DSTYK: variants seen among roughly 807,000 people sequenced by gnomAD.
The protein encoded by DSTYK is dual serine/threonine and tyrosine protein kinase.
In DSTYK, 34 loss-of-function variants were observed where a neutral mutation model predicts 98.7. The observed-to-expected ratio is 0.34, with a 90% CI of 0.26 to 0.46. The LOEUF (loss-of-function observed/expected upper bound fraction) is 0.46. DSTYK is among the 20% of genes least tolerant of loss of function. The probability of loss-of-function intolerance (pLI) is 1.00; values close to 1 mark genes in which losing one functional copy is unlikely to be tolerated. For missense variants in DSTYK, 962 were observed against 1,181.7 expected (o/e 0.81, Z 2.73); for synonymous variants, 462 against 457.3 (o/e 1.01, Z -0.13).
intron 1 of DSTYK, among the ~76,000 whole-genome samples, chr1:205,204,273 C>A (rs1196615348): frequency 6.6e-6 from 1 of 152,118 alleles, no homozygotes; most frequent in South Asian, 2.1e-4. Context: ...ATTTTGTATT[C>A]CCATGGTCAG....
At chr1:205,154,798 T>C (rs1657509206) in intron 10 of DSTYK, among the ~76,000 whole-genome samples, 1 of 152,166 alleles carries the variant, frequency 6.6e-6, no homozygotes, top group Non-Finnish European at 1.5e-5. Context: ...GATAGTGATA[T>C]GGACAATGAT....
chr1:205,167,999 G>C (rs372120099), intron 3 of DSTYK, among the ~76,000 whole-genome samples: 1 of 152,096 alleles, frequency 6.6e-6, no homozygotes, highest in Non-Finnish European at 1.5e-5. Flanking sequence ...CCAGTTACTC[G>C]GGAGGCTGAG....
At chr1:205,171,454 TAAA>T (rs10536424) in intron 2 of DSTYK, among the ~76,000 whole-genome samples, 53 of 115,158 alleles carry the variant, frequency 4.6e-4, no homozygotes, top group East Asian at 1.7e-3. Context: ...CTGTCTCAAT[TAAA>T]AAAAAAAAAA....
chr1:205,191,574 C>G (rs1033780830), intron 1 of DSTYK, among the ~76,000 whole-genome samples: 2 of 152,258 alleles, frequency 1.3e-5, no homozygotes, highest in Admixed American at 6.5e-5. Context: ...TGCTGAAAGA[C>G]CAATGATGTG....
chr1:205,203,010 G>A (rs1659087025), intron 1 of DSTYK, among the ~76,000 whole-genome samples: 1 of 152,036 alleles, frequency 6.6e-6, no homozygotes, highest in Non-Finnish European at 1.5e-5. Flanking sequence ...AAGAAAAGGA[G>A]AAAGTAGACA....
intron 1 of DSTYK, among the ~76,000 whole-genome samples, chr1:205,201,970 G>T (rs942263979): frequency 2.0e-5 from 3 of 152,118 alleles, no homozygotes; most frequent in Non-Finnish European, 4.4e-5. Flanking sequence ...TGAGGCAGGA[G>T]AATTGCTTGA....
intron 2 of DSTYK, among the ~76,000 whole-genome samples, chr1:205,184,188 T>C (rs1361390380): frequency 6.6e-6 from 1 of 151,910 alleles, no homozygotes; most frequent in Non-Finnish European, 1.5e-5. Flanking sequence ...AGATACGCGC[T>C]TGGGGGGATG....
At chr1:205,166,139 A>C (rs748603180) in intron 3 of DSTYK, among the ~76,000 whole-genome samples, 16 of 152,250 alleles carry the variant, frequency 1.1e-4, no homozygotes, top group Non-Finnish European at 1.3e-4. Context: ...ATTTGTATGA[A>C]TATTTATGGA....
At position 205,211,116 on chromosome 1, in the gene DSTYK, A is replaced by T. The variant is rs559242075; in HGVS notation, c.265+155T>A. ...AGGATGCCCTCCCAAGGTATCCCAG[A>T]TCCGGCCGGCCCATGCCCGGGGACC... On this transcript the variant is annotated intron_variant, in intron 1 of 12. Coordinates refer to ENST00000367162, the MANE Select transcript of DSTYK (RefSeq NM_015375.3). 3.9e-5 allele frequency among the ~76,000 whole-genome samples: 6 copies of T among 152,198 alleles called. No homozygotes were observed. In the East Asian group the frequency reaches 7.8e-4, roughly 20 times the overall value.
chr1:205,153,867 CTTTTTTTT>C (rs771169377), intron 10 of DSTYK, among the ~76,000 whole-genome samples: 1 of 132,678 alleles, frequency 7.5e-6, no homozygotes, highest in African/African-American at 2.8e-5. Flanking sequence ...GCCTGGCTAA[CTTTTTTTT>C]TTTTTTTTTT....
At chr1:205,179,108 G>C (rs1278607506) in intron 2 of DSTYK, among the ~76,000 whole-genome samples, 1 of 148,450 alleles carries the variant, frequency 6.7e-6, no homozygotes, top group Non-Finnish European at 1.5e-5. Context: ...CAGCCTGAGC[G>C]ACAAAGTGAG....
At position 205,186,962 on chromosome 1, in the gene DSTYK, G is replaced by A. The variant is rs537322484; in HGVS notation, c.654+456C>T. ...TAAATTAATGGTTAGATCTAAGGAAGAACCCACAAAATTCTTCACTTGGTC... is the reference window on the plus strand; with the variant it reads ...TAAATTAATGGTTAGATCTAAGGAAAAACCCACAAAATTCTTCACTTGGTC... On this transcript the variant is annotated intron_variant, in intron 2 of 12. Coordinates refer to ENST00000367162, the MANE Select transcript of DSTYK (RefSeq NM_015375.3). Among the ~76,000 whole-genome samples the A allele has an allele frequency of 5.6e-4, 86 of 152,296 alleles. No individual in the cohort carries two copies. The Middle Eastern group carries it at 0.017, about 30-fold the overall frequency.
chr1:205,197,781 G>C lies in DSTYK; in HGVS notation c.266-9975C>G, dbSNP rs188376962. ...GAGTTCAAGGCACTGATCTAAGCAA[G>C]TAGTTTAGGATCAGACTTAGAATCC... On this transcript the variant is annotated intron_variant, in intron 1 of 12. Transcript: ENST00000367162. 2.6e-5 allele frequency among the ~76,000 whole-genome samples: 4 copies of C among 152,332 alleles called. No individual in the cohort carries two copies. The East Asian group carries it at 7.7e-4, about 29-fold the overall frequency.
rs540402499 is a variant in DSTYK, at chr1:205,206,556, G to C, written c.265+4715C>G. Among the ~76,000 whole-genome samples the C allele has an allele frequency of 1.7e-4, 25 of 151,304 alleles. No homozygotes were observed. In the South Asian group the frequency reaches 5.2e-3, roughly 32 times the overall value. ...AGCCTGCCAAAGTGTTGGGATTACA[G>C]GCGTGAGCCACCGCACCTGGCCTGT... On this transcript the variant is annotated intron_variant, in intron 1 of 12. Transcript: ENST00000367162.
intron 2 of DSTYK, among the ~76,000 whole-genome samples, chr1:205,178,550 CTCCTT>C (rs1658300691): frequency 6.6e-6 from 1 of 152,180 alleles, no homozygotes; most frequent in African/African-American, 2.4e-5. Context: ...TAACAGCTTT[CTCCTT>C]TCATTTTATT....
intron 10 of DSTYK, among the ~76,000 whole-genome samples, chr1:205,152,494 T>C (rs1657434261): frequency 6.6e-6 from 1 of 152,202 alleles, no homozygotes; most frequent in Non-Finnish European, 1.5e-5. Context: ...TATAATCTTA[T>C]CGGACTACAT....
intron 1 of DSTYK, among the ~76,000 whole-genome samples, chr1:205,190,639 C>T (rs1424528849): frequency 1.4e-5 from 2 of 144,304 alleles, no homozygotes; most frequent in African/African-American, 5.2e-5. Flanking sequence ...AAAAAAAAAC[C>T]CAAGAGTAGG....
intron 2 of DSTYK, among the ~76,000 whole-genome samples, chr1:205,176,215 C>T (rs563800965): frequency 6.6e-6 from 1 of 152,108 alleles, no homozygotes. Context: ...CAGTGATTCA[C>T]GCCTGTAATC....
intron 2 of DSTYK, among the ~76,000 whole-genome samples, chr1:205,185,472 C>T (rs145895771): frequency 6.6e-6 from 1 of 152,170 alleles, no homozygotes; most frequent in Non-Finnish European, 1.5e-5. Context: ...CTCAGTCTCC[C>T]CAGTAGCTGG....
Sources: gnomAD v4.1 joint callset for allele counts (sites outside exome capture counted in the v4.1 genomes callset) on GRCh38, gnomAD v4.1.1 for gene constraint, MANE v1.5 for transcripts, NCBI Gene and HGNC (gene_info 2026-07-23, HGNC 2026-07-21) for gene names.